The following IGFL2 variants were observed in gnomAD, a reference collection of about 807,000 sequenced individuals.
The protein encoded by IGFL2 is insulin growth factor-like family member 2.
IGFL2 carries 7 observed loss-of-function variants against 13.9 expected under a neutral mutation model. The ratio of observed to expected loss-of-function variants is 0.51; its 90% CI spans 0.29 to 0.95. The LOEUF (loss-of-function observed/expected upper bound fraction) is 0.95. Among genes scored for constraint, IGFL2 ranks in the 40% least tolerant of loss-of-function variants. The pLI, the probability that IGFL2 is intolerant of heterozygous loss-of-function variation, is 0.08. For missense variants in IGFL2, 138 were observed against 147.8 expected (o/e 0.93, Z 0.34); for synonymous variants, 55 against 55.8 (o/e 0.99, Z 0.07).
the IGFL2 span, chr19:46,124,212 G>A: frequency 2.1e-4 from 337 of 1,609,178 alleles, 5 homozygotes; most frequent in Middle Eastern, 1.2e-3. Context: ...TCAATTCCCA[G>A]TCTCTTTTCC....
chr19:46,206,016 G>A, the IGFL2 span, among the ~76,000 whole-genome samples: 4 of 152,254 alleles, frequency 2.6e-5, no homozygotes. Context: ...TGTCATACAG[G>A]GAGATAAACA....
the IGFL2 span, chr19:46,214,245 C>T: frequency 1.3e-5 from 2 of 152,190 alleles, no homozygotes; most frequent in South Asian, 2.1e-4. Context: ...AGCCCAGAGT[C>T]GGGGCTCTGG....
At chr19:46,126,668 G>A in the IGFL2 span, among the ~76,000 whole-genome samples, 4,589 of 152,150 alleles carry the variant, frequency 0.03, 207 homozygotes, top group African/African-American at 0.1. Flanking sequence ...TTACGTCATC[G>A]TCTTCTATTA....
the IGFL2 span, among the ~76,000 whole-genome samples, chr19:46,196,533 C>T: frequency 6.6e-6 from 1 of 152,230 alleles, no homozygotes; most frequent in South Asian, 2.1e-4. Flanking sequence ...CAGCCACACC[C>T]ATAGCACAAC....
chr19:46,203,197 G>A, the IGFL2 span: 1 of 152,322 alleles, frequency 6.6e-6, no homozygotes, highest in Non-Finnish European at 1.5e-5. Context: ...TGCAGGGTGG[G>A]GAGATCATGA....
downstream of IGFL2, among the ~76,000 whole-genome samples, chr19:46,164,820 GC>G (rs2146904418): frequency 6.6e-6 from 1 of 152,236 alleles, no homozygotes; most frequent in South Asian, 2.1e-4. Context: ...CAAACTGCAG[GC>G]CCCACCTTGC....
At chr19:46,112,853 T>A in the IGFL2 span, 1 of 152,204 alleles carries the variant, frequency 6.6e-6, no homozygotes, top group African/African-American at 2.4e-5. Flanking sequence ...TACTTGGTAA[T>A]GGTGTCAAGG....
At chr19:46,186,404 G>A in the IGFL2 span, among the ~76,000 whole-genome samples, 34 of 152,186 alleles carry the variant, frequency 2.2e-4, no homozygotes, top group African/African-American at 7.2e-4. Context: ...CCACAGAAGC[G>A]TTCCAGGACC....
chr19:46,184,086 A>C, the IGFL2 span, among the ~76,000 whole-genome samples: 1 of 152,030 alleles, frequency 6.6e-6, no homozygotes, highest in Non-Finnish European at 1.5e-5. Context: ...CTCATTATTT[A>C]ATTCTAATTT....
At chr19:46,213,647 C>CG in the IGFL2 span, 1 of 153,822 alleles carries the variant, frequency 6.5e-6, no homozygotes, top group Non-Finnish European at 1.5e-5. Context: ...CCACAGCGCC[C>CG]GGGTCAGCCC....
the IGFL2 span, among the ~76,000 whole-genome samples, chr19:46,105,675 A>AAATAGATTT: frequency 4.1e-3 from 625 of 152,320 alleles, 3 homozygotes; most frequent in Admixed American, 9.5e-3. Context: ...GTGAGGAAGA[A>AAATAGATTT]AATAGATTTT....
the IGFL2 span, among the ~76,000 whole-genome samples, chr19:46,170,416 C>T: frequency 1.3e-5 from 2 of 152,158 alleles, no homozygotes; most frequent in Admixed American, 6.5e-5. Context: ...TGTATGCTGC[C>T]TCAGGACCCT....
At chr19:46,199,436 C>G in the IGFL2 span, among the ~76,000 whole-genome samples, 1 of 152,122 alleles carries the variant, frequency 6.6e-6, no homozygotes, top group Non-Finnish European at 1.5e-5. Flanking sequence ...TTGGGGACTC[C>G]ACGGGGCTGG....
At chr19:46,171,079 A>G in the IGFL2 span, among the ~76,000 whole-genome samples, 2 of 152,126 alleles carry the variant, frequency 1.3e-5, no homozygotes, top group African/African-American at 4.8e-5. Context: ...GAAAATTGCT[A>G]ATAAAAACTT....
chr19:46,143,878 C>T (rs1972980057), upstream of IGFL2, among the ~76,000 whole-genome samples: 1 of 152,216 alleles, frequency 6.6e-6, no homozygotes, highest in South Asian at 2.1e-4. Context: ...CATTCCCTCA[C>T]TCAGACCCAA....
At chr19:46,142,093 A>C (rs77262580), upstream of IGFL2, among the ~76,000 whole-genome samples, 2,133 of 152,180 alleles carry the variant, frequency 0.014, 55 homozygotes, top group African/African-American at 0.049. Flanking sequence ...GAATTCTAAA[A>C]ATTTACTTAA....
chr19:46,123,911 A>T, the IGFL2 span: 1 of 1,611,072 alleles, frequency 6.2e-7, no homozygotes, highest in Non-Finnish European at 8.5e-7. Flanking sequence ...GAGATGGGAG[A>T]TAAGTGACAC....
upstream of IGFL2, among the ~76,000 whole-genome samples, chr19:46,138,924 C>T (rs2146793047): frequency 6.6e-6 from 1 of 152,232 alleles, no homozygotes; most frequent in East Asian, 1.9e-4. Context: ...TGCTCCACTG[C>T]AGCTGTTTCC....
chr19:46,136,207 T>G, the IGFL2 span, among the ~76,000 whole-genome samples: 1 of 152,012 alleles, frequency 6.6e-6, no homozygotes, highest in Non-Finnish European at 1.5e-5. Flanking sequence ...CCTCTCTCCC[T>G]CTCCTTCAGG....
Sources: gnomAD v4.1 joint callset for allele counts (sites outside exome capture counted in the v4.1 genomes callset) on GRCh38, gnomAD v4.1.1 for gene constraint, MANE v1.5 for transcripts, NCBI Gene and HGNC (gene_info 2026-07-23, HGNC 2026-07-21) for gene names.